Variants in GHR observed in about 807,000 individuals in gnomAD.
GHR encodes GH receptor.
In GHR, 35 loss-of-function variants were observed where a neutral mutation model predicts 67.1. The observed-to-expected ratio is 0.52, with a 90% CI of 0.40 to 0.69. The LOEUF (loss-of-function observed/expected upper bound fraction) is 0.69, where lower values mean the gene tolerates loss of function less well. Among genes scored for constraint, GHR ranks in the 30% least tolerant of loss-of-function variants. The probability of loss-of-function intolerance (pLI) is 0.00; values close to 1 mark genes in which losing one functional copy is unlikely to be tolerated. For synonymous variants in GHR, 272 were observed against 269.1 expected, an observed-to-expected ratio of 1.01 and a Z score of -0.10; for missense variants, 792 against 764.6, an observed-to-expected ratio of 1.04 and a Z score of -0.42.
intron 1 of GHR, among the ~76,000 whole-genome samples, chr5:42,435,984 C>T (rs762883045): frequency 6.6e-6 from 1 of 152,168 alleles, no homozygotes; most frequent in Non-Finnish European, 1.5e-5. Flanking sequence ...GTAGCTGAGT[C>T]CTCATTGGTA....
chr5:42,512,204 T>A (rs557357643), intron 1 of GHR, among the ~76,000 whole-genome samples: 1 of 152,242 alleles, frequency 6.6e-6, no homozygotes, highest in Non-Finnish European at 1.5e-5. Context: ...TGGACAAGGC[T>A]TCACAAGGGT....
chr5:42,481,684 A>G (rs1045356605), intron 1 of GHR, among the ~76,000 whole-genome samples: 8 of 152,144 alleles, frequency 5.3e-5, no homozygotes, highest in African/African-American at 1.7e-4. Flanking sequence ...TCGGCTACTG[A>G]GGCTTCTGCA....
chr5:42,717,074 G>T (rs950654625), intron 8 of GHR, among the ~76,000 whole-genome samples: 1 of 152,188 alleles, frequency 6.6e-6, no homozygotes, highest in African/African-American at 2.4e-5. Flanking sequence ...TGGGAGGATG[G>T]GGCGGGAGTA....
chr5:42,636,731 C>A lies in GHR; in HGVS notation c.136+7628C>A, dbSNP rs1393762191. Reference sequence around the variant, plus strand: ...ATTTAGGTGTAACCAGACTTTAATACAACTTAACCTACACACTGAGAAAGC... The same window carrying A: ...ATTTAGGTGTAACCAGACTTTAATAAAACTTAACCTACACACTGAGAAAGC... On this transcript the variant is annotated intron_variant, in intron 3 of 9. Coordinates refer to ENST00000230882, the MANE Select transcript of GHR (RefSeq NM_000163.5). Among the ~76,000 whole-genome samples the A allele has an allele frequency of 1.3e-5, 2 of 152,130 alleles. 1 individual carries two copies. The highest frequency in any genetic ancestry group is 1.3e-4 in the Admixed American group (2 of 15,286).
At chr5:42,701,244 G>A (rs1471890185) in intron 6 of GHR, among the ~76,000 whole-genome samples, 1 of 152,158 alleles carries the variant, frequency 6.6e-6, no homozygotes, top group Non-Finnish European at 1.5e-5. Context: ...AAGGCAGTAG[G>A]ATCAAATTTT....
intron 2 of GHR, among the ~76,000 whole-genome samples, chr5:42,610,666 GAA>G (rs112288959): frequency 2.8e-5 from 4 of 142,864 alleles, no homozygotes; most frequent in African/African-American, 2.6e-5. Flanking sequence ...AATCCCAGTG[GAA>G]AAAAAAAAAG....
intron 2 of GHR, among the ~76,000 whole-genome samples, chr5:42,584,284 A>T (rs1243457307): frequency 2.0e-5 from 3 of 152,164 alleles, no homozygotes; most frequent in African/African-American, 7.2e-5. Flanking sequence ...TTTTAAATGA[A>T]TGTTTAATAA....
chr5:42,548,873 T>C (rs191078861), intron 1 of GHR, among the ~76,000 whole-genome samples: 5 of 152,372 alleles, frequency 3.3e-5, no homozygotes, highest in Admixed American at 3.3e-4. Context: ...GGTTGTTCTC[T>C]GAAGGAAGGA....
In GHR at chr5:42,719,813, C is replaced by A. The variant is rs370865933; in HGVS notation, c.*389C>A. On this transcript the variant is annotated 3_prime_UTR_variant, in exon 10 of 10. Coordinates refer to ENST00000230882, the MANE Select transcript of GHR (RefSeq NM_000163.5). ...CGGTTCAGGAAAATTGAATGCAAAC[C>A]ATAGCACAGGCTAATTTTTTGTTGT... The A allele has an allele frequency of 1.1e-4, 21 of 195,718 alleles. No homozygotes were observed. The highest frequency in any genetic ancestry group is 7.6e-4 in the East Asian group (6 of 7,938). The allele number at this position is 195,718 out of a possible 1,614,324, so 12.1% of individuals were successfully genotyped here.
intron 1 of GHR, among the ~76,000 whole-genome samples, chr5:42,452,907 C>A (rs1430290632): frequency 1.3e-5 from 2 of 152,084 alleles, no homozygotes; most frequent in African/African-American, 4.8e-5. Flanking sequence ...TCAGAGATTT[C>A]TTCCTGGTTC....
intron 1 of GHR, among the ~76,000 whole-genome samples, chr5:42,511,741 C>G (rs1203712987): frequency 6.6e-6 from 1 of 151,830 alleles, no homozygotes; most frequent in Admixed American, 6.6e-5. Context: ...TTTATCAAAC[C>G]TGGTTTTATG....
At chr5:42,679,623 CAAA>C (rs765140556) in intron 3 of GHR, among the ~76,000 whole-genome samples, 2 of 133,244 alleles carry the variant, frequency 1.5e-5, no homozygotes, top group Admixed American at 7.6e-5. Flanking sequence ...GACTGCATCT[CAAA>C]AAAAAAAAAA....
intron 3 of GHR, among the ~76,000 whole-genome samples, chr5:42,666,560 A>C (rs576869094): frequency 3.4e-4 from 52 of 152,298 alleles, no homozygotes; most frequent in African/African-American, 1.2e-3. Context: ...TTGAGTTTAA[A>C]TTAATTAAAA....
chr5:42,566,912 G>T (rs1749974176), intron 2 of GHR, among the ~76,000 whole-genome samples: 1 of 152,118 alleles, frequency 6.6e-6, no homozygotes, highest in South Asian at 2.1e-4. Context: ...GCTGCTGAGG[G>T]TGACCACAGT....
chr5:42,467,488 A>G, intron 1 of GHR: 1 of 1,030,236 alleles, frequency 9.7e-7, no homozygotes, highest in Non-Finnish European at 1.5e-6. Flanking sequence ...TGTAATGTGG[A>G]GTTTCTGGTG....
chr5:42,667,804 T>C (rs1756067433), intron 3 of GHR, among the ~76,000 whole-genome samples: 1 of 152,222 alleles, frequency 6.6e-6, no homozygotes, highest in Non-Finnish European at 1.5e-5. Flanking sequence ...TGGTATGTGG[T>C]TGGTAATCAT....
intron 3 of GHR, among the ~76,000 whole-genome samples, chr5:42,660,695 G>A (rs1755549198): frequency 6.6e-6 from 1 of 152,196 alleles, no homozygotes; most frequent in African/African-American, 2.4e-5. Flanking sequence ...ACTCTGAAAA[G>A]CAGAGCACCT....
chr5:42,520,732 G>C (rs1035833314), intron 1 of GHR, among the ~76,000 whole-genome samples: 3 of 152,088 alleles, frequency 2.0e-5, no homozygotes, highest in African/African-American at 7.2e-5. Flanking sequence ...TGATTGAAGT[G>C]AGGACAACTG....
At chr5:42,652,070 G>C (rs952033567) in intron 3 of GHR, among the ~76,000 whole-genome samples, 1 of 152,092 alleles carries the variant, frequency 6.6e-6, no homozygotes, top group Non-Finnish European at 1.5e-5. Flanking sequence ...ATGTTCAAAA[G>C]TATAATCTGA....
Sources: gnomAD v4.1 joint callset for allele counts (sites outside exome capture counted in the v4.1 genomes callset) on GRCh38, gnomAD v4.1.1 for gene constraint, MANE v1.5 for transcripts, NCBI Gene and HGNC (gene_info 2026-07-23, HGNC 2026-07-21) for gene names.